Variants in CACNA1B observed in about 807,000 individuals in gnomAD.
The protein encoded by CACNA1B is calcium voltage-gated channel subunit alpha1 B, also known as voltage-dependent N-type calcium channel subunit alpha-1B.
In CACNA1B, 70 loss-of-function variants were observed where a neutral mutation model predicts 247.2. The observed-to-expected ratio is 0.28, with a 90% CI of 0.23 to 0.35. The LOEUF is 0.35. Among genes scored for constraint, CACNA1B ranks in the 10% least tolerant of loss-of-function variants. The pLI, the probability that CACNA1B is intolerant of heterozygous loss-of-function variation, is 1.00. For missense variants in CACNA1B, 2,367 were observed against 3,197.4 expected (o/e 0.74, Z 6.26); for synonymous variants, 1,231 against 1,294.4 (o/e 0.95, Z 1.05).
chr9:138,115,458 G>T (rs549403218), intron 41 of CACNA1B, 94 bp from the exon 42 acceptor site: 3 of 1,361,040 alleles, frequency 2.2e-6, no homozygotes, highest in East Asian at 4.9e-5. Context: ...AACATGACCT[G>T]GCTTTTGCCC....
chr9:138,009,023 G>T (rs1046330398), intron 16 of CACNA1B, among the ~76,000 whole-genome samples: 1 of 152,240 alleles, frequency 6.6e-6, no homozygotes. Flanking sequence ...GACTATGTTT[G>T]TGGTGGTTCT....
chr9:138,119,272 C>T (rs923583418), intron 44 of CACNA1B, among the ~76,000 whole-genome samples: 4 of 152,148 alleles, frequency 2.6e-5, no homozygotes, highest in Non-Finnish European at 5.9e-5. Context: ...CTGGGACATG[C>T]ACACTGGATT....
chr9:138,071,361 G>C (rs1034788549), intron 32 of CACNA1B, among the ~76,000 whole-genome samples: 1 of 152,198 alleles, frequency 6.6e-6, no homozygotes, highest in African/African-American at 2.4e-5. Flanking sequence ...AGTGAGGTTG[G>C]GGCAGGCTGT....
intron 31 of CACNA1B, among the ~76,000 whole-genome samples, chr9:138,060,639 C>A (rs575980484): frequency 6.6e-6 from 1 of 152,356 alleles, no homozygotes; most frequent in South Asian, 2.1e-4. Flanking sequence ...GCTTCCAGCT[C>A]CCTGAGTGTG....
chr9:137,968,132 G>A (rs77151226), intron 10 of CACNA1B, among the ~76,000 whole-genome samples: 1,821 of 152,108 alleles, frequency 0.012, 18 homozygotes, highest in East Asian at 0.047. Flanking sequence ...TTTCCTTCTG[G>A]GTACCCAGCA....
intron 23 of CACNA1B, among the ~76,000 whole-genome samples, chr9:138,048,078 C>A (rs915090034): frequency 2.0e-5 from 3 of 152,158 alleles, no homozygotes; most frequent in African/African-American, 7.2e-5. Context: ...AGCCGGCATG[C>A]GTGCACACAG....
Position 137,891,526 on chromosome 9 carries a change from G to T in CACNA1B, c.530+8643G>T. 5.9e-6 allele frequency: 1 copy of T among 169,596 alleles called. No individual in the cohort carries two copies. The highest frequency in any genetic ancestry group is 1.2e-5 in the Non-Finnish European group (1 of 80,056). 10.5% of individuals were successfully genotyped at this position (169,596 alleles called of 1,614,324 possible). Reference sequence around the variant, plus strand: ...GGACAGGGGACCTGCATTCTGTGCAGATGCACCCACAGAGGTCACAGGGGT... The same window carrying T: ...GGACAGGGGACCTGCATTCTGTGCATATGCACCCACAGAGGTCACAGGGGT... On this transcript the variant is annotated intron_variant, in intron 3 of 46. Transcript: ENST00000371372. The surrounding 1 kb of genome is among the most constrained non-coding windows in gnomAD (Gnocchi z 4.3).
intron 3 of CACNA1B, among the ~76,000 whole-genome samples, chr9:137,904,357 T>C (rs1957273797): frequency 7.2e-6 from 1 of 139,024 alleles, no homozygotes; most frequent in African/African-American, 2.7e-5. Flanking sequence ...TCTCTCTTTT[T>C]TTTTTTTTTT....
Position 137,914,825 on chromosome 9 carries a change from C to T in CACNA1B, c.775+19C>T. The T allele has an allele frequency of 6.2e-7, 1 of 1,613,190 alleles. No homozygotes were observed. Among genetic ancestry groups the T allele is most frequent in the Non-Finnish European group, 8.5e-7 (1 of 1,179,436 alleles). Reference sequence around the variant, plus strand: ...AGCACAGGTGAGGCCAGGCAGCACCCTCCAGCACAGGCAAGTGCCACGGAT... The same window carrying T: ...AGCACAGGTGAGGCCAGGCAGCACCTTCCAGCACAGGCAAGTGCCACGGAT... On this transcript the variant is annotated intron_variant, in intron 5 of 46. Transcript: ENST00000371372. This position sits in a 1 kb window ranked among gnomAD's most constrained non-coding sequence, Gnocchi z 4.3.
chr9:138,118,632 G>A lies in CACNA1B; in HGVS notation c.5914-20G>A, dbSNP rs201084988. The A allele has an allele frequency of 2.2e-5, 27 of 1,233,506 alleles. No homozygotes were observed. The highest frequency in any genetic ancestry group is 3.0e-5 in the Non-Finnish European group (26 of 858,570). The allele number at this position is 1,233,506 out of a possible 1,614,324, so 76.4% of individuals were successfully genotyped here. On this transcript the variant is annotated intron_variant, in intron 43 of 46. Transcript: ENST00000371372. ...CGCGGTGCCTTGTGTGGTGGGACTA[G>A]GTGAGTGCTGTATCCACAGGCTGTG...
At chr9:138,096,636 G>A in intron 37 of CACNA1B, 25 bp downstream of exon 37, 3 of 1,603,574 alleles carry the variant, frequency 1.9e-6, no homozygotes, top group Non-Finnish European at 2.6e-6. Flanking sequence ...GTGCTCTGTG[G>A]TCCTTGGGGG....
In CACNA1B at chr9:138,020,570, C is replaced by T. The variant is rs773393651; in HGVS notation, c.2268-2441C>T. ...CAGAGAGGAACTTGGTGGTGCTGGC[C>T]GAGTGAGGGCAGATGCAGACAGTCT... On this transcript the variant is annotated intron_variant, in intron 18 of 46. Transcript: ENST00000371372. This position sits in a 1 kb window ranked among gnomAD's most constrained non-coding sequence, Gnocchi z 4.1. Among the ~76,000 whole-genome samples the T allele has an allele frequency of 6.6e-6, 1 of 152,094 alleles. No homozygotes were observed. Among genetic ancestry groups the T allele is most frequent in the African/African-American group, 2.4e-5 (1 of 41,402 alleles).
rs1265364856 is a variant in CACNA1B at position 137,954,335 on chromosome 9, C to A, written c.1071-1363C>A. On this transcript the variant is annotated intron_variant, in intron 7 of 46. Transcript: ENST00000371372. This position sits in a 1 kb window ranked among gnomAD's most constrained non-coding sequence, Gnocchi z 4.1. The stretch of plus-strand genomic sequence containing the variant: ...GGCCAGCTTGGGGCCAATTCGGCAT[C>A]TCTCTCTCCATTCCCAGAGCTCCCA... Among the ~76,000 whole-genome samples the A allele has an allele frequency of 6.6e-6, 1 of 152,342 alleles. No homozygotes were observed. Among genetic ancestry groups the A allele is most frequent in the African/African-American group, 2.4e-5 (1 of 41,588 alleles).
At chr9:138,093,395 C>T (rs1278401487) in intron 36 of CACNA1B, among the ~76,000 whole-genome samples, 1 of 108,668 alleles carries the variant, frequency 9.2e-6, no homozygotes, top group African/African-American at 4.1e-5. Context: ...CAGAGTGAGA[C>T]TCTGTCTCAA....
intron 6 of CACNA1B, among the ~76,000 whole-genome samples, chr9:137,931,081 C>T (rs957937228): frequency 6.6e-6 from 1 of 152,124 alleles, no homozygotes; most frequent in Admixed American, 6.6e-5. Context: ...ATGGTATTAT[C>T]TGGGGAGGGT....
chr9:138,052,241 T>TGTGTGTGG lies in CACNA1B; in HGVS notation c.3807+60_3807+61insGGTGTGTG, dbSNP rs1959313339. 1 of 840,720 alleles carries TGTGTGTGG rather than the reference T, an allele frequency of 1.2e-6. No homozygotes were observed. The highest frequency in any genetic ancestry group is 2.3e-5 in the African/African-American group (1 of 43,618). 52.1% of individuals were successfully genotyped at this position (840,720 alleles called of 1,614,324 possible). A position where few individuals can be genotyped will look rare whatever the true frequency, so the allele number is the denominator to read the frequency against. The stretch of plus-strand genomic sequence containing the variant: ...GATGTGCTGTGTGTGTGTGCGTGTG[T>TGTGTGTGG]GTGTGTGCGTGTGTGTGTGTGTATG... On this transcript the variant is annotated intron_variant, in intron 25 of 46. Coordinates refer to ENST00000371372, the MANE Select transcript of CACNA1B (RefSeq NM_000718.4). The surrounding 1 kb of genome is among the most constrained non-coding windows in gnomAD (Gnocchi z 5.1).
At chr9:138,039,246 G>T (rs1357220809) in intron 20 of CACNA1B, among the ~76,000 whole-genome samples, 1 of 151,516 alleles carries the variant, frequency 6.6e-6, no homozygotes, top group African/African-American at 2.4e-5. Flanking sequence ...CATTAATTCC[G>T]TGGCATTTGT....
At chr9:138,000,774 G>T (rs995339495) in intron 15 of CACNA1B, among the ~76,000 whole-genome samples, 1 of 152,040 alleles carries the variant, frequency 6.6e-6, no homozygotes, top group Admixed American at 6.6e-5. Context: ...CGCCCAACAC[G>T]GCAGGTACGC....
At chr9:137,916,292 CA>C (rs1957410473) in intron 5 of CACNA1B, among the ~76,000 whole-genome samples, 2 of 152,160 alleles carry the variant, frequency 1.3e-5, no homozygotes, top group Non-Finnish European at 2.9e-5. Flanking sequence ...CTCAGCCTCC[CA>C]AAGTGCTAGG....
Sources: gnomAD v4.1 joint callset for allele counts (sites outside exome capture counted in the v4.1 genomes callset) on GRCh38, gnomAD v4.1.1 for gene constraint, Gnocchi (gnomAD v3.1) non-coding constraint, MANE v1.5 for transcripts, NCBI Gene and HGNC (gene_info 2026-07-23, HGNC 2026-07-21) for gene names.